WWC2: variants seen among roughly 807,000 people sequenced by gnomAD.
The protein encoded by WWC2 is protein WWC2.
In WWC2, 101 loss-of-function variants were observed where a neutral mutation model predicts 138.5. That is an observed-to-expected ratio of 0.73 (90% CI 0.62 to 0.86). The LOEUF is 0.86. WWC2 is among the 40% of genes least tolerant of loss of function. The probability of loss-of-function intolerance (pLI) is 0.00; values close to 1 mark genes in which losing one functional copy is unlikely to be tolerated. For synonymous variants in WWC2, 558 were observed against 538.4 expected, an observed-to-expected ratio of 1.04 and a Z score of -0.50; for missense variants, 1,420 against 1,419.4, an observed-to-expected ratio of 1.00 and a Z score of -0.01.
intron 5 of WWC2, among the ~76,000 whole-genome samples, chr4:183,241,247 C>T (rs374824543): frequency 6.6e-6 from 1 of 152,258 alleles, no homozygotes; most frequent in African/African-American, 2.4e-5. Context: ...GGCGCCACCT[C>T]TGTGGAAAGT....
intron 4 of WWC2, among the ~76,000 whole-genome samples, chr4:183,229,034 A>G (rs911407133): frequency 6.6e-6 from 1 of 152,048 alleles, no homozygotes; most frequent in Non-Finnish European, 1.5e-5. Context: ...AAACGTTGAG[A>G]TAATGGTTAC....
At chr4:183,289,683 T>G in intron 21 of WWC2, 48 bp downstream of exon 21, 1 of 1,588,802 alleles carries the variant, frequency 6.3e-7, no homozygotes, top group Non-Finnish European at 8.5e-7. Context: ...CATCTTTTTT[T>G]AAAGCGTGCC....
At position 183,261,160 on chromosome 4, in the gene WWC2, T is replaced by C. The variant is rs1428139882; in HGVS notation, c.1537T>C (p.Ser513Pro). 1.2e-6 allele frequency: 2 copies of C among 1,613,666 alleles called. No individual in the cohort carries two copies. The highest frequency in any genetic ancestry group is 3.3e-5 in the Admixed American group (2 of 59,984). The change falls in exon 11 of 23, where the codon TCC (serine) becomes CCC (proline). Residue 513 changes from serine (S) to proline (P), a missense_variant. Transcript: ENST00000403733. Reference sequence around the variant, plus strand: ...CATCCATGAAAACGAGGTGGTCAAGTCCCCTAGCCAGCCTGGCCAGAGTGG... The same window carrying C: ...CATCCATGAAAACGAGGTGGTCAAGCCCCCTAGCCAGCCTGGCCAGAGTGG... ...TTIHENEVVK[S>P]PSQPGQSGLC...
At chr4:183,189,696 A>G (rs1350263891) in intron 1 of WWC2, among the ~76,000 whole-genome samples, 1 of 152,228 alleles carries the variant, frequency 6.6e-6, no homozygotes, top group Non-Finnish European at 1.5e-5. Flanking sequence ...GATGCTACAA[A>G]GTAAAAATAA....
chr4:183,189,993 A>G (rs1201366190), intron 1 of WWC2, among the ~76,000 whole-genome samples: 1 of 152,238 alleles, frequency 6.6e-6, no homozygotes, highest in Non-Finnish European at 1.5e-5. Context: ...GAGAAGAAAT[A>G]CCACACAGAG....
At position 183,099,507 on chromosome 4, in the gene WWC2, G is replaced by A. The variant is rs1367258026; in HGVS notation, c.16G>A (p.Gly6Arg). Residue 6 changes from glycine to arginine, a missense_variant, in exon 1 of 23, where the codon GGG becomes AGG. By Grantham distance (125) the Gly-to-Arg change is moderately radical. Transcript: ENST00000403733. Reference sequence around the variant, plus strand: ...GCCGCCGACCATGCCTAGGAGGGCCGGGAGCGGTCAGCTGCCGCTGCCCCG... The same window carrying A: ...GCCGCCGACCATGCCTAGGAGGGCCAGGAGCGGTCAGCTGCCGCTGCCCCG... MPRRAGSGQLPLPRGW... is the reference protein window; with the variant it reads MPRRARSGQLPLPRGW... 1.8e-5 allele frequency: 25 copies of A among 1,386,316 alleles called. No homozygotes were observed. Among genetic ancestry groups the A allele is most frequent in the African/African-American group, 1.5e-5 (1 of 66,434 alleles). The allele number at this position is 1,386,316 out of a possible 1,614,324, so 85.9% of individuals were successfully genotyped here.
intron 4 of WWC2, among the ~76,000 whole-genome samples, chr4:183,211,462 A>G (rs1340365626): frequency 6.6e-6 from 1 of 152,234 alleles, no homozygotes; most frequent in Non-Finnish European, 1.5e-5. Flanking sequence ...TGTTTTAGGT[A>G]GTCAGGCCAG....
intron 1 of WWC2, among the ~76,000 whole-genome samples, chr4:183,103,724 G>C (rs1488721627): frequency 2.1e-5 from 3 of 145,120 alleles, no homozygotes; most frequent in Non-Finnish European, 3.0e-5. Context: ...TGCAACCTCC[G>C]CCGCCTGGGT....
intron 1 of WWC2, among the ~76,000 whole-genome samples, chr4:183,121,218 AAG>A (rs1167608332): frequency 6.6e-6 from 1 of 152,080 alleles, no homozygotes; most frequent in Non-Finnish European, 1.5e-5. Flanking sequence ...AAAAAAAAAA[AAG>A]TAACATTGTG....
intron 1 of WWC2, among the ~76,000 whole-genome samples, chr4:183,153,375 T>G (rs1181860104): frequency 6.6e-6 from 1 of 152,170 alleles, no homozygotes; most frequent in Non-Finnish European, 1.5e-5. Flanking sequence ...TCACTGCCTC[T>G]CAGGTAAAGG....
intron 21 of WWC2, among the ~76,000 whole-genome samples, chr4:183,305,779 A>G (rs1373154018): frequency 6.6e-6 from 1 of 152,224 alleles, no homozygotes; most frequent in Admixed American, 6.5e-5. Context: ...CTTCAGAGAA[A>G]AGGAAAATGA....
At chr4:183,236,260 T>A (rs1202083413) in intron 4 of WWC2, among the ~76,000 whole-genome samples, 1 of 152,180 alleles carries the variant, frequency 6.6e-6, no homozygotes, top group East Asian at 1.9e-4. Flanking sequence ...TTGTATAATT[T>A]TGAAAAAGGA....
rs543576361 is a variant in WWC2, at chr4:183,233,148, C to CTTT, written c.523-7011_523-7009dup. 2.0e-3 allele frequency among the ~76,000 whole-genome samples: 166 copies of CTTT among 84,768 alleles called. 11 individuals carry two copies. The highest frequency in any genetic ancestry group is 2.7e-3 in the Non-Finnish European group (117 of 43,950). The allele number at this position is 84,768 out of a possible 152,430, so 55.6% of individuals were successfully genotyped here. ...GTGTATTTTTTTTTTCTTTTTAAAC[C>CTTT]TTTTTTTTTTTTTTTTTTTTTTTTT... is the stretch of plus-strand genomic sequence containing the variant. On this transcript the variant is annotated intron_variant, in intron 4 of 22. Transcript: ENST00000403733.
chr4:183,315,603 TG>T, intron 22 of WWC2, 59 bp from the exon 23 acceptor site: 1 of 1,393,784 alleles, frequency 7.2e-7, no homozygotes, highest in Non-Finnish European at 1.0e-6. Flanking sequence ...ACTGTTTTAA[TG>T]GTCCCAGAGT....
At chr4:183,101,241 C>G (rs1743170861) in intron 1 of WWC2, among the ~76,000 whole-genome samples, 1 of 152,114 alleles carries the variant, frequency 6.6e-6, no homozygotes, top group Non-Finnish European at 1.5e-5. Context: ...GTTGTGTTTA[C>G]CGGAAAGGAT....
chr4:183,231,559 C>T (rs1736248467), intron 4 of WWC2, among the ~76,000 whole-genome samples: 2 of 152,056 alleles, frequency 1.3e-5, no homozygotes, highest in East Asian at 1.9e-4. Context: ...CGTGAGTCAC[C>T]ATGCCCGTCC....
At chr4:183,113,317 T>C (rs1054755048) in intron 1 of WWC2, among the ~76,000 whole-genome samples, 2 of 151,790 alleles carry the variant, frequency 1.3e-5, no homozygotes, top group Non-Finnish European at 2.9e-5. Flanking sequence ...AGAGAAGTAT[T>C]AGGTTGGTGC....
At chr4:183,155,447 T>C (rs998499147) in intron 1 of WWC2, among the ~76,000 whole-genome samples, 1 of 152,186 alleles carries the variant, frequency 6.6e-6, no homozygotes, top group Non-Finnish European at 1.5e-5. Context: ...GTTATAAATA[T>C]CTTTTGAAGG....
Position 183,304,921 on chromosome 4 carries a change from A to G in WWC2, c.3385-7420A>G, listed in dbSNP as rs1035626527. On this transcript the variant is annotated intron_variant, in intron 21 of 22. Coordinates refer to ENST00000403733, the MANE Select transcript of WWC2 (RefSeq NM_024949.6). ...GAGGCAAAACAAGCATCAGAACCAG[A>G]CTCACACATGGCAGGGATGCTGGAC... Among the ~76,000 whole-genome samples the G allele has an allele frequency of 3.3e-5, 5 of 152,282 alleles. No individual in the cohort carries two copies. The South Asian group carries it at 1.0e-3, about 32-fold the overall frequency.
Sources: gnomAD v4.1 joint callset for allele counts (sites outside exome capture counted in the v4.1 genomes callset) on GRCh38, gnomAD v4.1.1 for gene constraint, MANE v1.5 for transcripts, NCBI Gene and HGNC (gene_info 2026-07-23, HGNC 2026-07-21) for gene names.